PABPC1: variants seen among roughly 807,000 people sequenced by gnomAD.
The protein encoded by PABPC1 is polyadenylate-binding protein 1.
A neutral mutation model predicts 74.0 loss-of-function variants in PABPC1; 4 were observed. The observed-to-expected ratio is 0.05, with a 90% CI of 0.03 to 0.12. PABPC1 has a LOEUF of 0.12. PABPC1 is among the 10% of genes least tolerant of loss of function. PABPC1 has a pLI of 1.00. For synonymous variants in PABPC1, 227 were observed against 264.1 expected (o/e 0.86, Z 1.36); for missense variants, 271 against 821.1 (o/e 0.33, Z 8.19).
chr8:100,706,773 G>A lies in PABPC1; in HGVS notation c.1480C>T (p.Pro494Ser). ...GTAGCTGCAGCGGCTGCAGCTGCAG[G>A]ACGTGGACCCATTGTCTGTGTTGAT... Reference protein sequence around the residue: ...NTSTQTMGPRPAAAAAAATPA... With the variant: ...NTSTQTMGPRSAAAAAAATPA... The change falls in exon 11 of 15, where the codon CCT becomes TCT. Residue 494 changes from proline (P) to serine (S), a missense_variant. Transcript: ENST00000318607. The A allele has an allele frequency of 2.5e-6, 4 of 1,614,156 alleles. No individual in the cohort carries two copies. The highest frequency in any genetic ancestry group is 3.4e-6 in the Non-Finnish European group (4 of 1,179,974).
intron 9 of PABPC1, among the ~76,000 whole-genome samples, chr8:100,707,743 G>T (rs1810419051): frequency 6.6e-6 from 1 of 152,214 alleles, no homozygotes. Context: ...AGAGGTGGAG[G>T]AGCAGTCTTC....
At chr8:100,714,739 G>A in intron 4 of PABPC1, among the ~76,000 whole-genome samples, 1 of 151,880 alleles carries the variant, frequency 6.6e-6, no homozygotes, top group East Asian at 1.9e-4. Flanking sequence ...AAAAGTATTA[G>A]ATTTCCTAAT....
At chr8:100,705,779 T>TGGTG in intron 11 of PABPC1, 106 bp from the exon 12 acceptor site, 1 of 750,484 alleles carries the variant, frequency 1.3e-6, no homozygotes, top group South Asian at 1.6e-5. Flanking sequence ...CATCGAAACA[T>TGGTG]GAGGTGGAGA....
At chr8:100,705,731 A>G (rs1356699499) in intron 11 of PABPC1, 58 bp from the exon 12 acceptor site, 3 of 1,066,082 alleles carry the variant, frequency 2.8e-6, no homozygotes, top group Admixed American at 3.8e-5. Context: ...GCAAATACAA[A>G]TAGTCATCAA....
At chr8:100,707,064 T>C (rs929184670) in intron 9 of PABPC1, 67 bp from the exon 10 acceptor site, 7 of 1,134,492 alleles carry the variant, frequency 6.2e-6, no homozygotes, top group Non-Finnish European at 9.2e-6. Context: ...GTTTATGCTG[T>C]CTTCTTCGAT....
At chr8:100,711,108 A>G (rs991520498) in intron 7 of PABPC1, among the ~76,000 whole-genome samples, 1 of 152,142 alleles carries the variant, frequency 6.6e-6, no homozygotes, top group Non-Finnish European at 1.5e-5. Flanking sequence ...GTGAAACCCC[A>G]TCTCTACTAA....
At chr8:100,716,692 C>CT (rs892842363) in intron 3 of PABPC1, among the ~76,000 whole-genome samples, 2 of 152,162 alleles carry the variant, frequency 1.3e-5, no homozygotes, top group African/African-American at 2.4e-5. Flanking sequence ...AATGCTGCAA[C>CT]TTTTTTAAGA....
chr8:100,710,535 G>C (rs995319398), intron 7 of PABPC1, among the ~76,000 whole-genome samples: 1 of 152,148 alleles, frequency 6.6e-6, no homozygotes, highest in African/African-American at 2.4e-5. Flanking sequence ...AAAAAATGTA[G>C]AACTCTTAAT....
intron 4 of PABPC1, among the ~76,000 whole-genome samples, chr8:100,715,148 C>A (rs1563614509): frequency 1.2e-5 from 1 of 86,056 alleles, no homozygotes; most frequent in Non-Finnish European, 3.0e-5. Context: ...CACACACACA[C>A]ACACACACAC....
In PABPC1 at chr8:100,706,578, T is replaced by C. The variant is rs1358870371; in HGVS notation, c.1602+73A>G. On this transcript the variant is annotated intron_variant, in intron 11 of 14. Transcript: ENST00000318607. ...CTGGGGTTATAGGTGTGAGCCACTG[T>C]GCCCAGCTGTCTTCACACCTTTGAT... 4.4e-6 allele frequency: 6 copies of C among 1,372,292 alleles called. No homozygotes were observed. The Admixed American group carries it at 1.1e-4, about 24-fold the overall frequency. 85.0% of individuals were successfully genotyped at this position (1,372,292 alleles called of 1,614,324 possible). A position where few individuals can be genotyped will look rare whatever the true frequency, so the allele number is the denominator to read the frequency against.
intron 7 of PABPC1, among the ~76,000 whole-genome samples, chr8:100,711,103 A>G (rs1810516919): frequency 6.6e-6 from 1 of 152,134 alleles, no homozygotes; most frequent in Non-Finnish European, 1.5e-5. Flanking sequence ...ACATGGTGAA[A>G]CCCCATCTCT....
chr8:100,704,181 A>C (rs1242591601), intron 14 of PABPC1, 116 bp downstream of exon 14: 2 of 798,040 alleles, frequency 2.5e-6, no homozygotes, highest in African/African-American at 3.4e-5. Flanking sequence ...TTAGCAATAC[A>C]TTTAAATGAA....
At chr8:100,720,796 T>C (rs1027827756) in intron 1 of PABPC1, among the ~76,000 whole-genome samples, 3 of 152,300 alleles carry the variant, frequency 2.0e-5, no homozygotes, top group East Asian at 1.9e-4. Flanking sequence ...TTCTGGGAAG[T>C]GGACTCACAA....
chr8:100,721,354 C>T lies in PABPC1; in HGVS notation c.193+37G>A. ...CGCCGCCGCCCGAGCCTCATGGCCG[C>T]CCGCCCGCCCGGCCGACCGCGGAGC... is the stretch of plus-strand genomic sequence containing the variant. On this transcript the variant is annotated intron_variant, in intron 1 of 14. Coordinates refer to ENST00000318607, the MANE Select transcript of PABPC1 (RefSeq NM_002568.4). The surrounding 1 kb of genome is among the most constrained non-coding windows in gnomAD (Gnocchi z 7.4). The T allele has an allele frequency of 7.6e-7, 1 of 1,318,188 alleles. No individual in the cohort carries two copies. The highest frequency in any genetic ancestry group is 9.9e-7 in the Non-Finnish European group (1 of 1,008,976). 81.7% of individuals were successfully genotyped at this position (1,318,188 alleles called of 1,614,324 possible).
At chr8:100,710,178 T>TACCC (rs1810488969) in intron 7 of PABPC1, among the ~76,000 whole-genome samples, 2 of 152,174 alleles carry the variant, frequency 1.3e-5, no homozygotes, top group African/African-American at 4.8e-5. Flanking sequence ...AATCTTACAA[T>TACCC]ACCCACATCT....
rs562818537 is a variant in PABPC1, at chr8:100,721,069, G to C, written c.193+322C>G. Among the ~76,000 whole-genome samples the C allele has an allele frequency of 6.6e-6, 1 of 152,298 alleles. No individual in the cohort carries two copies. Among genetic ancestry groups the C allele is most frequent in the African/African-American group, 2.4e-5 (1 of 41,574 alleles). On this transcript the variant is annotated intron_variant, in intron 1 of 14. Transcript: ENST00000318607. This position sits in a 1 kb window ranked among gnomAD's most constrained non-coding sequence, Gnocchi z 7.4. Reference sequence around the variant, plus strand: ...CAGCGTTCAACGCCCCAGAATCCCGGGGCCACTGGCGGGAGCGCCGCGGAG... The same window carrying C: ...CAGCGTTCAACGCCCCAGAATCCCGCGGCCACTGGCGGGAGCGCCGCGGAG...
At chr8:100,706,280 T>C (rs1392150913) in intron 11 of PABPC1, among the ~76,000 whole-genome samples, 2 of 152,238 alleles carry the variant, frequency 1.3e-5, no homozygotes, top group South Asian at 2.1e-4. Flanking sequence ...CCAGATAGGC[T>C]AAGCTCTCAA....
At chr8:100,713,489 A>AT (rs1234949203) in intron 4 of PABPC1, among the ~76,000 whole-genome samples, 1 of 152,010 alleles carries the variant, frequency 6.6e-6, no homozygotes, top group African/African-American at 2.4e-5. Flanking sequence ...CAATAATTTG[A>AT]TTTTTTCCCT....
chr8:100,712,547 C>T (rs1286799310), intron 6 of PABPC1, 90 bp from the exon 7 acceptor site: 6 of 1,476,410 alleles, frequency 4.1e-6, no homozygotes, highest in Admixed American at 2.1e-5. Context: ...TATTTCTTCT[C>T]CTATTCCCCT....
Sources: allele counts gnomAD v4.1 joint callset (sites outside exome capture counted in the v4.1 genomes callset), GRCh38; gene constraint gnomAD v4.1.1; non-coding constraint Gnocchi (gnomAD v3.1); transcripts MANE v1.5; gene names NCBI Gene and HGNC (gene_info 2026-07-23, HGNC 2026-07-21).